STRBP: variants seen among roughly 807,000 people sequenced by gnomAD.
STRBP encodes spermatid perinuclear RNA-binding protein.
Under a neutral mutation model 80.1 loss-of-function variants are expected in STRBP, and 13 were observed. That is an observed-to-expected ratio of 0.16 (90% CI 0.11 to 0.26). STRBP has a LOEUF of 0.26. STRBP is among the 10% of genes least tolerant of loss of function. The probability of loss-of-function intolerance (pLI) is 1.00; values close to 1 mark genes in which losing one functional copy is unlikely to be tolerated. For missense variants in STRBP, 485 were observed against 815.2 expected, an observed-to-expected ratio of 0.59 and a Z score of 4.93; for synonymous variants, 284 against 291.2, an observed-to-expected ratio of 0.98 and a Z score of 0.25.
In STRBP at chr9:123,136,544, A is replaced by G. The variant is rs2036360612; in HGVS notation, c.1498-29T>C. 3 of 1,605,246 alleles carry G rather than the reference A, an allele frequency of 1.9e-6. No individual in the cohort carries two copies. Among genetic ancestry groups the G allele is most frequent in the African/African-American group, 1.3e-5 (1 of 74,110 alleles). The stretch of plus-strand genomic sequence containing the variant: ...TAAGAGAAAGGGAATCTGAAGGTTC[A>G]ATCAAGTAAGATTTTAGAATATTAC... On this transcript the variant is annotated intron_variant, in intron 14 of 18. Coordinates refer to ENST00000348403, the MANE Select transcript of STRBP (RefSeq NM_018387.5). This position sits in a 1 kb window ranked among gnomAD's most constrained non-coding sequence, Gnocchi z 4.2.
Position 123,111,285 on chromosome 9 carries a change from A to G in STRBP, c.*85-1532T>C, listed in dbSNP as rs2035562070. The G allele has an allele frequency of 1.4e-5, 3 of 212,188 alleles. No individual in the cohort carries two copies. In the South Asian group the frequency reaches 2.3e-4, roughly 16 times the overall value. 13.1% of individuals were successfully genotyped at this position (212,188 alleles called of 1,614,324 possible). A position where few individuals can be genotyped will look rare whatever the true frequency, so the allele number is the denominator to read the frequency against. On this transcript the variant is annotated intron_variant and NMD_transcript_variant, in intron 3 of 3. Transcript: ENST00000471564. ...AAATCCCTAAAGGGTGGAGAGCACGAGATACCCAGAACAGAGGAAAGAGGC... is the reference window on the plus strand; with the variant it reads ...AAATCCCTAAAGGGTGGAGAGCACGGGATACCCAGAACAGAGGAAAGAGGC...
intron 2 of STRBP, among the ~76,000 whole-genome samples, chr9:123,224,351 C>A (rs532830646): frequency 3.3e-5 from 5 of 152,268 alleles, no homozygotes; most frequent in Non-Finnish European, 7.4e-5. Context: ...TTAACTCTCT[C>A]GCAGTTCAGG....
At chr9:123,134,818 A>G (rs999131845) in intron 16 of STRBP, among the ~76,000 whole-genome samples, 11 of 152,240 alleles carry the variant, frequency 7.2e-5, no homozygotes, top group Non-Finnish European at 1.0e-4. Flanking sequence ...ACAAGCTCAT[A>G]AAACAAGAAT....
intron 1 of STRBP, among the ~76,000 whole-genome samples, chr9:123,266,188 G>C (rs2041262340): frequency 6.6e-6 from 1 of 152,088 alleles, no homozygotes; most frequent in Non-Finnish European, 1.5e-5. Flanking sequence ...CGCTCCTCGT[G>C]ACCCTGTGTG....
chr9:123,205,091 C>T (rs1168350310), intron 2 of STRBP, among the ~76,000 whole-genome samples: 2 of 152,176 alleles, frequency 1.3e-5, no homozygotes, highest in Non-Finnish European at 2.9e-5. Context: ...CATGGCAAAA[C>T]TCCGTCTCTA....
chr9:123,145,473 G>A (rs1244827380), intron 13 of STRBP, among the ~76,000 whole-genome samples: 1 of 152,130 alleles, frequency 6.6e-6, no homozygotes, highest in African/African-American at 2.4e-5. Flanking sequence ...AAAGGTTACT[G>A]TACGAAACAA....
intron 2 of STRBP, among the ~76,000 whole-genome samples, chr9:123,191,437 G>C (rs577218639): frequency 6.6e-6 from 1 of 152,132 alleles, no homozygotes; most frequent in South Asian, 2.1e-4. Context: ...AGAAAGGTGG[G>C]GGTGAGGGGA....
At chr9:123,243,265 CAAAAAAAAA>C (rs1160280485) in intron 1 of STRBP, among the ~76,000 whole-genome samples, 15 of 78,934 alleles carry the variant, frequency 1.9e-4, no homozygotes, top group South Asian at 5.3e-4. Flanking sequence ...ATCAATAAGA[CAAAAAAAAA>C]AAAAAAAAAA....
chr9:123,158,312 T>G lies in STRBP; in HGVS notation c.933+20A>C. The G allele has an allele frequency of 6.2e-7, 1 of 1,607,398 alleles. No individual in the cohort carries two copies. The highest frequency in any genetic ancestry group is 8.5e-7 in the Non-Finnish European group (1 of 1,174,494). On this transcript the variant is annotated intron_variant, in intron 10 of 18. Coordinates refer to ENST00000348403, the MANE Select transcript of STRBP (RefSeq NM_018387.5). ...ATGTTATTTCACTAATAAGTCAGAG[T>G]GGCATGCTCAATCTTCTACCTGTGC...
rs2035861299 is a variant in STRBP, at chr9:123,125,563, T to C, written c.*34A>G. The stretch of plus-strand genomic sequence containing the variant: ...CTCTAACATTCTGTGTTGTACTGTA[T>C]TGTTGTTCAATAGGAATTAGCTTCT... On this transcript the variant is annotated 3_prime_UTR_variant, in exon 19 of 19. Transcript: ENST00000348403. 2 of 1,608,734 alleles carry C rather than the reference T, an allele frequency of 1.2e-6. No homozygotes were observed. Among genetic ancestry groups the C allele is most frequent in the South Asian group, 1.1e-5 (1 of 89,742 alleles).
chr9:123,250,542 T>C (rs1475823813), intron 1 of STRBP, among the ~76,000 whole-genome samples: 1 of 152,232 alleles, frequency 6.6e-6, no homozygotes, highest in African/African-American at 2.4e-5. Flanking sequence ...TGAGAACTGC[T>C]GGCCTAACTA....
At chr9:123,226,986 A>G (rs1588130475) in intron 2 of STRBP, among the ~76,000 whole-genome samples, 1 of 152,318 alleles carries the variant, frequency 6.6e-6, no homozygotes, top group East Asian at 1.9e-4. Flanking sequence ...CGAGAGAAAG[A>G]GATCTAATTC....
At chr9:123,119,268 A>T (rs909116051), downstream of STRBP, among the ~76,000 whole-genome samples, 1 of 152,150 alleles carries the variant, frequency 6.6e-6, no homozygotes, top group Non-Finnish European at 1.5e-5. Context: ...TTCCGGAGGC[A>T]GTTGTAACCA....
Position 123,184,207 on chromosome 9 carries a change from T to C in STRBP, c.-73A>G. The C allele has an allele frequency of 6.7e-7, 1 of 1,492,740 alleles. No homozygotes were observed. The highest frequency in any genetic ancestry group is 2.3e-5 in the East Asian group (1 of 44,116). 92.5% of individuals were successfully genotyped at this position (1,492,740 alleles called of 1,614,324 possible). A position where few individuals can be genotyped will look rare whatever the true frequency, so the allele number is the denominator to read the frequency against. On this transcript the variant is annotated 5_prime_UTR_variant, in exon 3 of 19. Transcript: ENST00000348403. The stretch of plus-strand genomic sequence containing the variant: ...TCTTGTCGTCTTCACTAGACACTGT[T>C]TTGTGTAACAATACCTCCTCATAAG...
intron 1 of STRBP, among the ~76,000 whole-genome samples, chr9:123,249,852 T>C (rs2040875738): frequency 6.6e-6 from 1 of 152,202 alleles, no homozygotes; most frequent in South Asian, 2.1e-4. Context: ...ATGTTTCTTT[T>C]CCACTCTCAT....
rs141535982 is a variant in STRBP at position 123,168,028 on chromosome 9, G to T, written c.535+1874C>A. 2.9e-3 allele frequency among the ~76,000 whole-genome samples: 435 copies of T among 152,124 alleles called. 4 individuals are homozygous for T. The highest frequency in any genetic ancestry group is 0.01 in the African/African-American group (421 of 41,502). ...TTCAAAAAAAAAAAATGAAAGGGAT[G>T]CTGACAGATACAAGCAAACATGTAA... On this transcript the variant is annotated intron_variant, in intron 6 of 18. Coordinates refer to ENST00000348403, the MANE Select transcript of STRBP (RefSeq NM_018387.5).
chr9:123,222,063 T>C (rs1217780472), intron 2 of STRBP, among the ~76,000 whole-genome samples: 2 of 152,208 alleles, frequency 1.3e-5, no homozygotes, highest in Non-Finnish European at 2.9e-5. Flanking sequence ...ATTTATCACC[T>C]GGCAATCTTC....
At chr9:123,171,184 G>A (rs181307202) in intron 5 of STRBP, among the ~76,000 whole-genome samples, 122 of 152,164 alleles carry the variant, frequency 8.0e-4, no homozygotes, top group South Asian at 4.4e-3. Context: ...TATGCATGTC[G>A]ATCACCATAA....
intron 6 of STRBP, 114 bp from the exon 7 acceptor site, chr9:123,161,182 A>G: frequency 1.3e-6 from 1 of 782,978 alleles, no homozygotes; most frequent in South Asian, 2.0e-5. Flanking sequence ...AACTAATAAG[A>G]CTCCCAGAAA....
Sources: gnomAD v4.1 joint callset for allele counts (sites outside exome capture counted in the v4.1 genomes callset) on GRCh38, gnomAD v4.1.1 for gene constraint, Gnocchi (gnomAD v3.1) non-coding constraint, MANE v1.5 for transcripts, NCBI Gene and HGNC (gene_info 2026-07-23, HGNC 2026-07-21) for gene names.